Variants in CELF4 observed in about 807,000 individuals in gnomAD.
CELF4 encodes CUGBP Elav-like family member 4.
A neutral mutation model predicts 59.9 loss-of-function variants in CELF4; 18 were observed. The observed-to-expected ratio is 0.30, with a 90% CI of 0.21 to 0.45. The LOEUF is 0.45. CELF4 is among the 20% of genes least tolerant of loss of function. The pLI is 1.00. For missense variants in CELF4, 456 were observed against 689.0 expected, an observed-to-expected ratio of 0.66 and a Z score of 3.79; for synonymous variants, 261 against 267.1, an observed-to-expected ratio of 0.98 and a Z score of 0.22.
At chr18:37,363,157 G>T (rs2098731762) in intron 2 of CELF4, among the ~76,000 whole-genome samples, 1 of 152,156 alleles carries the variant, frequency 6.6e-6, no homozygotes. Flanking sequence ...AGGGTCTGCT[G>T]GGAGGGTCTT....
intron 2 of CELF4, among the ~76,000 whole-genome samples, chr18:37,338,900 C>T (rs561280669): frequency 6.6e-6 from 1 of 152,074 alleles, no homozygotes; most frequent in South Asian, 2.1e-4. Context: ...CCTTTTTCTT[C>T]CCTCCACCTT....
At chr18:37,283,927 AC>A (rs2154392242) in intron 3 of CELF4, among the ~76,000 whole-genome samples, 3 of 150,524 alleles carry the variant, frequency 2.0e-5, no homozygotes, top group Non-Finnish European at 3.0e-5. Context: ...ACACACACAC[AC>A]ACCAATACAT....
chr18:37,334,129 T>C lies in CELF4; in HGVS notation c.370-12248A>G, dbSNP rs1273152049. On this transcript the variant is annotated intron_variant, in intron 2 of 12. Transcript: ENST00000420428. Reference sequence around the variant, plus strand: ...ATAGTGTTGGAGTTAGGCTCCCTCCTGCATGGGGCGTCGTAATCCAGGATG... The same window carrying C: ...ATAGTGTTGGAGTTAGGCTCCCTCCCGCATGGGGCGTCGTAATCCAGGATG... Among the ~76,000 whole-genome samples, 3 of 152,186 alleles carry C rather than the reference T, an allele frequency of 2.0e-5. No homozygotes were observed. The East Asian group carries it at 5.8e-4, about 29-fold the overall frequency.
At chr18:37,299,809 T>C (rs1569547330) in intron 3 of CELF4, among the ~76,000 whole-genome samples, 1 of 152,146 alleles carries the variant, frequency 6.6e-6, no homozygotes, top group Non-Finnish European at 1.5e-5. Context: ...TGTGCTCCCA[T>C]GCTTTTTCCC....
chr18:37,275,076 C>T (rs760032429), intron 4 of CELF4, 39 bp downstream of exon 4: 3 of 1,607,246 alleles, frequency 1.9e-6, no homozygotes, highest in South Asian at 1.1e-5. Flanking sequence ...CGCCTCGCCC[C>T]TCCCTCCGGG....
At chr18:37,335,892 G>A (rs2097757027) in intron 2 of CELF4, among the ~76,000 whole-genome samples, 1 of 152,118 alleles carries the variant, frequency 6.6e-6, no homozygotes, top group South Asian at 2.1e-4. Context: ...CCCAAGGCCT[G>A]ACACCCGCAG....
intron 2 of CELF4, among the ~76,000 whole-genome samples, chr18:37,346,308 A>G (rs2098257070): frequency 6.6e-6 from 1 of 152,200 alleles, no homozygotes; most frequent in Non-Finnish European, 1.5e-5. Flanking sequence ...AGAATGCTAT[A>G]GGTCACAGGG....
Position 37,347,325 on chromosome 18 carries a change from G to A in CELF4, c.370-25444C>T, listed in dbSNP as rs369761580. ...GTGGCCACGAAGGGAAGATTCATCCGAGGCCCTTGTGTGGGAGATGCTGAC... is the reference window on the plus strand; with the variant it reads ...GTGGCCACGAAGGGAAGATTCATCCAAGGCCCTTGTGTGGGAGATGCTGAC... On this transcript the variant is annotated intron_variant, in intron 2 of 12. Coordinates refer to ENST00000420428, the MANE Select transcript of CELF4 (RefSeq NM_020180.4). Among the ~76,000 whole-genome samples the A allele has an allele frequency of 1.6e-4, 25 of 152,192 alleles. No homozygotes were observed. In the East Asian group the frequency reaches 2.5e-3, roughly 15 times the overall value.
chr18:37,467,366 A>T (rs1220790165), intron 2 of CELF4, among the ~76,000 whole-genome samples: 1 of 152,116 alleles, frequency 6.6e-6, no homozygotes, highest in Non-Finnish European at 1.5e-5. Flanking sequence ...CCATGTCTGG[A>T]ACTCGGCCTT....
At chr18:37,301,542 A>G (rs2096036820) in intron 3 of CELF4, among the ~76,000 whole-genome samples, 1 of 152,162 alleles carries the variant, frequency 6.6e-6, no homozygotes, top group Non-Finnish European at 1.5e-5. Flanking sequence ...GCCTCGTGCC[A>G]GGCATGGGGC....
At chr18:37,559,159 T>C (rs1202373888) in intron 1 of CELF4, among the ~76,000 whole-genome samples, 1 of 152,150 alleles carries the variant, frequency 6.6e-6, no homozygotes, top group Non-Finnish European at 1.5e-5. Context: ...ATGTATGTAA[T>C]GATGAGGACA....
At position 37,266,538 on chromosome 18, in the gene CELF4, G is replaced by C; in HGVS notation, c.1160C>G (p.Ala387Gly). Residue 387 changes from alanine (A) to glycine (G), a missense_variant, in exon 9 of 13, where the codon GCA becomes GGA. Around this residue, in one of 7 missense-constraint regions of CELF4, gnomAD observed 256 missense variants for 340.8 expected, o/e 0.75. Coordinates refer to ENST00000420428, the MANE Select transcript of CELF4 (RefSeq NM_020180.4). Reference sequence around the variant, plus strand: ...GGGGACGCGTGGATACTAACGACCTGCATACTGCTGCACTCCGGCGTAGGC... The same window carrying C: ...GGGGACGCGTGGATACTAACGACCTCCATACTGCTGCACTCCGGCGTAGGC... ...QQAYAGVQQY[A>G]GPAAYPAAYG... 6.3e-7 allele frequency: 1 copy of C among 1,593,604 alleles called. No homozygotes were observed. The highest frequency in any genetic ancestry group is 8.5e-7 in the Non-Finnish European group (1 of 1,171,532).
Position 37,260,300 on chromosome 18 carries a change from T to C in CELF4, c.1250-1036A>G, listed in dbSNP as rs574107246. On this transcript the variant is annotated intron_variant, in intron 10 of 12. Transcript: ENST00000420428. ...TTCCCAATAACTAACCATTTACCTGTTTCTTTTGAAATAGTCAAAATGCTC... is the reference window on the plus strand; with the variant it reads ...TTCCCAATAACTAACCATTTACCTGCTTCTTTTGAAATAGTCAAAATGCTC... Among the ~76,000 whole-genome samples, 8 of 152,344 alleles carry C rather than the reference T, an allele frequency of 5.3e-5. No homozygotes were observed. In the East Asian group the frequency reaches 1.5e-3, roughly 29 times the overall value.
At chr18:37,458,643 TG>T (rs1356296853) in intron 2 of CELF4, among the ~76,000 whole-genome samples, 1 of 152,194 alleles carries the variant, frequency 6.6e-6, no homozygotes, top group Non-Finnish European at 1.5e-5. Flanking sequence ...AGCTGTTTCT[TG>T]AAGGGCTCGT....
chr18:37,313,815 G>A (rs1385009489), intron 3 of CELF4, among the ~76,000 whole-genome samples: 2 of 152,258 alleles, frequency 1.3e-5, no homozygotes, highest in Non-Finnish European at 2.9e-5. Context: ...AATCGGCCAC[G>A]GGTTTATGGT....
chr18:37,513,861 G>A (rs1376064830), intron 1 of CELF4, among the ~76,000 whole-genome samples: 1 of 152,024 alleles, frequency 6.6e-6, no homozygotes, highest in Non-Finnish European at 1.5e-5. Context: ...AGCAGTTACA[G>A]TCCTAACTAC....
chr18:37,425,610 C>A (rs1158368571), intron 2 of CELF4, among the ~76,000 whole-genome samples: 3 of 152,220 alleles, frequency 2.0e-5, no homozygotes, highest in Non-Finnish European at 4.4e-5. Flanking sequence ...TTCGTAATTA[C>A]CTCATTAGAG....
rs561693960 is a variant in CELF4, at chr18:37,370,432, A to G, written c.370-48551T>C. On this transcript the variant is annotated intron_variant, in intron 2 of 12. Coordinates refer to ENST00000420428, the MANE Select transcript of CELF4 (RefSeq NM_020180.4). ...AGGTGCCCTGCATTTCTCCAGACCC[A>G]GTAGGAATCACAGAACCCAGATGTC... Among the ~76,000 whole-genome samples the G allele has an allele frequency of 3.3e-5, 5 of 152,272 alleles. No homozygotes were observed. The South Asian group carries it at 1.0e-3, about 32-fold the overall frequency.
intron 2 of CELF4, among the ~76,000 whole-genome samples, chr18:37,335,611 G>C (rs1447336297): frequency 6.6e-6 from 1 of 151,748 alleles, no homozygotes; most frequent in Non-Finnish European, 1.5e-5. Flanking sequence ...GGCCTCCACT[G>C]TACCCTCTCT....
Sources: allele counts gnomAD v4.1 joint callset (sites outside exome capture counted in the v4.1 genomes callset), GRCh38; gene constraint gnomAD v4.1.1; regional missense constraint gnomAD v4.1.1; transcripts MANE v1.5; gene names NCBI Gene and HGNC (gene_info 2026-07-23, HGNC 2026-07-21).